YME1L1: variants seen among roughly 807,000 people sequenced by gnomAD.
The protein encoded by YME1L1 is YME1 like 1 ATPase.
A neutral mutation model predicts 90.4 loss-of-function variants in YME1L1; 39 were observed. The observed-to-expected ratio is 0.43, with a 90% CI of 0.33 to 0.56. The LOEUF (loss-of-function observed/expected upper bound fraction) is 0.56. Ranked by LOEUF, YME1L1 falls within the 20% of genes least tolerant of loss-of-function variation. The pLI is 0.03. For missense variants in YME1L1, 617 were observed against 868.4 expected, an observed-to-expected ratio of 0.71 and a Z score of 3.64; for synonymous variants, 284 against 287.3, an observed-to-expected ratio of 0.99 and a Z score of 0.12.
chr10:27,137,325 T>C (rs1041595431), intron 4 of YME1L1, among the ~76,000 whole-genome samples: 7 of 152,230 alleles, frequency 4.6e-5, no homozygotes, highest in African/African-American at 1.7e-4. Flanking sequence ...GTGCATTCAG[T>C]TTAATGGCTG....
chr10:27,144,300 A>G (rs1314541221), intron 3 of YME1L1, among the ~76,000 whole-genome samples: 6 of 152,352 alleles, frequency 3.9e-5, no homozygotes, highest in Middle Eastern at 3.4e-3. Flanking sequence ...CTTTTAGTCT[A>G]AGCCCCCAAG....
rs1193678922 is a variant in YME1L1, at chr10:27,110,605, T to G, written c.*1372A>C. On this transcript the variant is annotated 3_prime_UTR_variant, in exon 19 of 19. Transcript: ENST00000376016. ...ACAGCATGTTCATATTCACAAAATCTGAATGAAAAGTAAACACAACTTGGC... is the reference window on the plus strand; with the variant it reads ...ACAGCATGTTCATATTCACAAAATCGGAATGAAAAGTAAACACAACTTGGC... 6.6e-6 allele frequency: 1 copy of G among 152,190 alleles called. No homozygotes were observed. The highest frequency in any genetic ancestry group is 1.5e-5 in the Non-Finnish European group (1 of 68,034). The allele number at this position is 152,190 out of a possible 1,614,324, so 9.4% of individuals were successfully genotyped here. A position where few individuals can be genotyped will look rare whatever the true frequency, so the allele number is the denominator to read the frequency against.
chr10:27,139,996 C>CT (rs1230846201), intron 4 of YME1L1, among the ~76,000 whole-genome samples: 1 of 151,906 alleles, frequency 6.6e-6, no homozygotes, highest in Non-Finnish European at 1.5e-5. Flanking sequence ...TATTTTCTAT[C>CT]TTTATATCTT....
Position 27,140,230 on chromosome 10 carries a change from C to G in YME1L1, c.430+2157G>C, listed in dbSNP as rs915371619. On this transcript the variant is annotated intron_variant, in intron 4 of 18. Transcript: ENST00000376016. ...ATGTTGGCCATGCTGGTCTTGAACT[C>G]CCGACCTCAGGTGATCCACCTGACT... is the stretch of plus-strand genomic sequence containing the variant. Among the ~76,000 whole-genome samples the G allele has an allele frequency of 5.3e-5, 8 of 152,120 alleles. No individual in the cohort carries two copies. In the South Asian group the frequency reaches 1.7e-3, roughly 32 times the overall value.
chr10:27,125,731 C>T (rs555747096), intron 9 of YME1L1, among the ~76,000 whole-genome samples: 311 of 151,040 alleles, frequency 2.1e-3, no homozygotes, highest in African/African-American at 7.3e-3. Context: ...ACCTCTGCCT[C>T]CTAGGTTCAA....
chr10:27,142,350 A>T (rs1156730420), intron 4 of YME1L1, 37 bp downstream of exon 4: 1 of 1,179,146 alleles, frequency 8.5e-7, no homozygotes, highest in South Asian at 1.9e-5. Flanking sequence ...GTAAATAAAT[A>T]TTTTTTTTTC....
At position 27,110,782 on chromosome 10, in the gene YME1L1, G is replaced by C. The variant is rs2056751786; in HGVS notation, c.*1195C>G. ...TTATTTAACAAAATACTGCTTCTCTGAAGTACATTTCATTAGGGAGAGTGA... is the reference window on the plus strand; with the variant it reads ...TTATTTAACAAAATACTGCTTCTCTCAAGTACATTTCATTAGGGAGAGTGA... On this transcript the variant is annotated 3_prime_UTR_variant, in exon 19 of 19. Transcript: ENST00000376016. The C allele has an allele frequency of 6.6e-6, 1 of 152,136 alleles. No individual in the cohort carries two copies. The highest frequency in any genetic ancestry group is 1.5e-5 in the Non-Finnish European group (1 of 68,034). 9.4% of individuals were successfully genotyped at this position (152,136 alleles called of 1,614,324 possible). A position where few individuals can be genotyped will look rare whatever the true frequency, so the allele number is the denominator to read the frequency against.
At chr10:27,149,108 T>C in intron 1 of YME1L1, 68 bp from the exon 2 acceptor site, 1 of 1,370,718 alleles carries the variant, frequency 7.3e-7, no homozygotes, top group African/African-American at 1.5e-5. Flanking sequence ...CTCCTTTTTT[T>C]GTCAGGATTT....
At chr10:27,135,725 G>A (rs368754246) in intron 5 of YME1L1, among the ~76,000 whole-genome samples, 5 of 152,292 alleles carry the variant, frequency 3.3e-5, no homozygotes, top group African/African-American at 1.2e-4. Context: ...GAAATTCCCA[G>A]TGTATCAGGT....
At position 27,111,347 on chromosome 10, in the gene YME1L1, G is replaced by A. The variant is rs557976172; in HGVS notation, c.*630C>T. On this transcript the variant is annotated 3_prime_UTR_variant, in exon 19 of 19. Transcript: ENST00000376016. ...GCTGGGATTACAGGCGTGAGCAACC[G>A]CGCCCAGCCCTATTTTTTTGTATTT... The A allele has an allele frequency of 1.9e-5, 3 of 154,384 alleles. No individual in the cohort carries two copies. Among genetic ancestry groups the A allele is most frequent in the South Asian group, 4.0e-4 (2 of 4,994 alleles). 9.6% of individuals were successfully genotyped at this position (154,384 alleles called of 1,614,324 possible).
intron 2 of YME1L1, 107 bp downstream of exon 2, chr10:27,148,799 T>G: frequency 6.9e-7 from 1 of 1,451,386 alleles, no homozygotes. Context: ...AAAATTATAC[T>G]CAAATTTTTG....
intron 14 of YME1L1, among the ~76,000 whole-genome samples, chr10:27,118,212 G>C (rs2056833062): frequency 6.6e-6 from 1 of 152,124 alleles, no homozygotes; most frequent in African/African-American, 2.4e-5. Flanking sequence ...TTAGCCTCAA[G>C]CAATCCACCC....
intron 1 of YME1L1, among the ~76,000 whole-genome samples, chr10:27,153,775 G>A (rs952972631): frequency 1.3e-5 from 2 of 152,152 alleles, no homozygotes; most frequent in African/African-American, 2.4e-5. Flanking sequence ...AGGGGATAGG[G>A]GCTGTGAACA....
In YME1L1 at chr10:27,134,903, G is replaced by A. The variant is rs1352981220; in HGVS notation, c.619C>T (p.His207Tyr). 6 of 1,614,002 alleles carry A rather than the reference G, an allele frequency of 3.7e-6. No homozygotes were observed. In the East Asian group the frequency reaches 1.3e-4, roughly 36 times the overall value. ...LMKTKNIPEA[H>Y]QDAFKTGFAE... ...AAACCAGTTTTAAATGCATCTTGGTGAGCTTCAGGTATATTTTTGGTTTTC... is the reference window on the plus strand; with the variant it reads ...AAACCAGTTTTAAATGCATCTTGGTAAGCTTCAGGTATATTTTTGGTTTTC... The change falls in exon 6 of 19, where the codon CAC becomes TAC. Residue 207 changes from histidine to tyrosine, a missense_variant. Transcript: ENST00000376016.
At chr10:27,125,149 G>C (rs776396617) in intron 9 of YME1L1, among the ~76,000 whole-genome samples, 5 of 152,022 alleles carry the variant, frequency 3.3e-5, no homozygotes, top group Non-Finnish European at 7.4e-5. Flanking sequence ...TTATTCTAAA[G>C]AAATAATTAA....
At chr10:27,117,429 G>A (rs374025744) in intron 15 of YME1L1, 147 bp downstream of exon 15, 18 of 788,140 alleles carry the variant, frequency 2.3e-5, no homozygotes, top group African/African-American at 1.1e-4. Flanking sequence ...TTAGCTGGGC[G>A]TGGTGGTGGG....
intron 1 of YME1L1, among the ~76,000 whole-genome samples, chr10:27,150,776 A>G (rs1320789945): frequency 6.6e-6 from 1 of 152,194 alleles, no homozygotes; most frequent in African/African-American, 2.4e-5. Flanking sequence ...ATAATCACAC[A>G]TTGTTTAGCA....
At chr10:27,150,105 C>CAAAA (rs199996869) in intron 1 of YME1L1, among the ~76,000 whole-genome samples, 1 of 149,100 alleles carries the variant, frequency 6.7e-6, no homozygotes, top group South Asian at 2.1e-4. Flanking sequence ...AAAATGAAAA[C>CAAAA]AAAAAAAACA....
At position 27,111,747 on chromosome 10, in the gene YME1L1, ATAGT is replaced by A; in HGVS notation, c.*226_*229del. 1.6e-6 allele frequency: 1 copy of A among 618,798 alleles called. No homozygotes were observed. Among genetic ancestry groups the A allele is most frequent in the Non-Finnish European group, 2.9e-6 (1 of 341,692 alleles). The allele number at this position is 618,798 out of a possible 1,614,324, so 38.3% of individuals were successfully genotyped here. ...CTCAAAAGAGCTGTTTTCAATCCTGATAGTTCTTTATTTTTTCAAAATATATTTG... is the reference window on the plus strand; with the variant it reads ...CTCAAAAGAGCTGTTTTCAATCCTGATCTTTATTTTTTCAAAATATATTTG... On this transcript the variant is annotated 3_prime_UTR_variant, in exon 19 of 19. Coordinates refer to ENST00000376016, the MANE Select transcript of YME1L1 (RefSeq NM_014263.4).
Sources: gnomAD v4.1 joint callset for allele counts (sites outside exome capture counted in the v4.1 genomes callset) on GRCh38, gnomAD v4.1.1 for gene constraint, MANE v1.5 for transcripts, NCBI Gene and HGNC (gene_info 2026-07-23, HGNC 2026-07-21) for gene names.